UBQLN4: variants seen among roughly 807,000 people sequenced by gnomAD.
UBQLN4 encodes ubiquilin 4.
Under a neutral mutation model 60.4 loss-of-function variants are expected in UBQLN4, and 11 were observed. That is an observed-to-expected ratio of 0.18 (90% confidence interval 0.11 to 0.30). The LOEUF is 0.30. UBQLN4 is among the 10% of genes least tolerant of loss of function. UBQLN4 has a pLI of 1.00. For missense variants in UBQLN4, 417 were observed against 795.5 expected (o/e 0.52, Z 5.72); for synonymous variants, 258 against 313.1 (o/e 0.82, Z 1.86).
Position 156,051,755 on chromosome 1 carries a change from C to T in UBQLN4, c.211G>A (p.Gly71Arg), listed in dbSNP as rs757542069. 5.0e-6 allele frequency: 8 copies of T among 1,613,968 alleles called. No homozygotes were observed. The highest frequency in any genetic ancestry group is 4.0e-5 in the African/African-American group (3 of 74,890). ...LKDGDTLNQH[G>R]IKDGLTVHLV... The stretch of plus-strand genomic sequence containing the variant: ...TGGACAGTGAGCCCGTCCTTGATTC[C>T]GTGCTGGTTCAGTGTGTCCCCATCC... Residue 71 changes from glycine to arginine, a missense_variant, in exon 2 of 11, where the codon GGA (glycine) becomes AGA (arginine). Coordinates refer to ENST00000368309, the MANE Select transcript of UBQLN4 (RefSeq NM_020131.5).
downstream of UBQLN4, chr1:156,033,392 T>G (rs1159121146): frequency 7.8e-6 from 6 of 768,998 alleles, no homozygotes; most frequent in African/African-American, 9.5e-5. Context: ...TGTTTTGTTT[T>G]GTTTTGTTTT....
At chr1:156,047,898 AAAAAAAAAAAAG>A (rs1045010661) in intron 5 of UBQLN4, among the ~76,000 whole-genome samples, 2 of 151,822 alleles carry the variant, frequency 1.3e-5, no homozygotes, top group African/African-American at 4.8e-5. Flanking sequence ...TCTCAAAAAA[AAAAAAAAAAAAG>A]AAAGAAAGAA....
chr1:156,034,060 C>T (rs1488363243), downstream of UBQLN4, among the ~76,000 whole-genome samples: 2 of 150,818 alleles, frequency 1.3e-5, no homozygotes, highest in Non-Finnish European at 1.5e-5. Context: ...GTGAGAGTAT[C>T]GGTCTCAGGC....
intron 10 of UBQLN4, among the ~76,000 whole-genome samples, chr1:156,039,943 A>AAAT (rs1172694749): frequency 6.7e-6 from 1 of 149,858 alleles, no homozygotes; most frequent in African/African-American, 2.5e-5. Flanking sequence ...TCTCAAAAAA[A>AAAT]AAAAAAAAAA....
At chr1:156,042,670 C>A in intron 7 of UBQLN4, 104 bp downstream of exon 7, 1 of 1,491,608 alleles carries the variant, frequency 6.7e-7, no homozygotes, top group South Asian at 1.3e-5. Flanking sequence ...GCTTGGGATG[C>A]AAACCCAGGC....
downstream of UBQLN4, among the ~76,000 whole-genome samples, chr1:156,032,656 G>C (rs775971750): frequency 1.3e-5 from 2 of 152,090 alleles, no homozygotes; most frequent in Non-Finnish European, 2.9e-5. Context: ...AACCTCTGCT[G>C]TCTGCTCAGT....
chr1:156,039,388 T>G (rs763965814), intron 10 of UBQLN4, among the ~76,000 whole-genome samples: 1 of 151,744 alleles, frequency 6.6e-6, no homozygotes, highest in Admixed American at 6.6e-5. Context: ...GTAGCTGGGA[T>G]GATAGGCATG....
At chr1:156,037,464 G>A (rs1683438209) in intron 10 of UBQLN4, among the ~76,000 whole-genome samples, 1 of 152,098 alleles carries the variant, frequency 6.6e-6, no homozygotes, top group Admixed American at 6.6e-5. Flanking sequence ...GTGTGGTGGT[G>A]GGCGCCCTGT....
Position 156,037,067 on chromosome 1 carries a change from T to G in UBQLN4, c.1717A>C (p.Asn573His), listed in dbSNP as rs773660903. ...AGGGCCTGCAGGTTAGCCTCACGAT[T>G]GATGAAGCCCATGGAGTTGAGCTGC... ...LEQLNSMGFI[N>H]REANLQALIA... Residue 573 changes from asparagine (N) to histidine (H), a missense_variant, in exon 11 of 11, where the codon AAT becomes CAT. Physicochemically the swap from Asn to His is moderately conservative, Grantham distance 68 (BLOSUM62 1). Coordinates refer to ENST00000368309, the MANE Select transcript of UBQLN4 (RefSeq NM_020131.5). The G allele has an allele frequency of 1.4e-5, 23 of 1,614,124 alleles. No individual in the cohort carries two copies.
Position 156,053,748 on chromosome 1 carries a change from C to T in UBQLN4, c.-47G>A, listed in dbSNP as rs1683956522. On this transcript the variant is annotated 5_prime_UTR_variant, in exon 1 of 11. Transcript: ENST00000368309. The stretch of plus-strand genomic sequence containing the variant: ...CCCGCCAGCCCGCCCGGCTCCTCCT[C>T]CTCCCCGCCCGCCCGGCCGGCCCGG... The T allele has an allele frequency of 2.5e-6, 3 of 1,180,306 alleles. No homozygotes were observed. The highest frequency in any genetic ancestry group is 1.1e-6 in the Non-Finnish European group (1 of 933,004). 73.1% of individuals were successfully genotyped at this position (1,180,306 alleles called of 1,614,324 possible).
intron 10 of UBQLN4, among the ~76,000 whole-genome samples, chr1:156,038,925 G>A (rs181086792): frequency 6.6e-6 from 1 of 151,480 alleles, no homozygotes; most frequent in Non-Finnish European, 1.5e-5. Context: ...CTGAATAGCT[G>A]GGATTACAGG....
chr1:156,048,399 G>C lies in UBQLN4; in HGVS notation c.900+102C>G. 1 of 1,396,386 alleles carries C rather than the reference G, an allele frequency of 7.2e-7. No homozygotes were observed. The highest frequency in any genetic ancestry group is 1.4e-5 in the South Asian group (1 of 71,954). 86.5% of individuals were successfully genotyped at this position (1,396,386 alleles called of 1,614,324 possible). The stretch of plus-strand genomic sequence containing the variant: ...TCAAGCCAAGGCCCACCCCTCAGGG[G>C]ACTGGGGAAAGAAAGAAGAGCAGGC... On this transcript the variant is annotated intron_variant, in intron 5 of 10. Transcript: ENST00000368309. The surrounding 1 kb of genome is among the most constrained non-coding windows in gnomAD (Gnocchi z 4.9).
downstream of UBQLN4, among the ~76,000 whole-genome samples, chr1:156,031,986 C>T (rs1683306332): frequency 6.6e-6 from 1 of 151,526 alleles, no homozygotes; most frequent in Non-Finnish European, 1.5e-5. Context: ...CAAATATGAA[C>T]AAGCAGGATT....
chr1:156,051,569 G>A (rs1683872597), intron 2 of UBQLN4, 137 bp downstream of exon 2: 1 of 1,319,396 alleles, frequency 7.6e-7, no homozygotes, highest in Non-Finnish European at 1.0e-6. Context: ...TTCCCCTAGA[G>A]ATGAGATCAT....
intron 10 of UBQLN4, among the ~76,000 whole-genome samples, chr1:156,040,146 C>G (rs1451350089): frequency 6.6e-6 from 1 of 151,822 alleles, no homozygotes; most frequent in Non-Finnish European, 1.5e-5. Context: ...ATAATCCCAG[C>G]ACTTTGGGAG....
downstream of UBQLN4, among the ~76,000 whole-genome samples, chr1:156,032,834 A>G (rs2102733851): frequency 6.6e-6 from 1 of 152,310 alleles, no homozygotes; most frequent in Admixed American, 6.5e-5. Context: ...AAGGAAGAAG[A>G]TCCCAGCCTT....
chr1:156,040,997 A>T (rs549581305), intron 10 of UBQLN4, among the ~76,000 whole-genome samples: 1 of 152,286 alleles, frequency 6.6e-6, no homozygotes, highest in African/African-American at 2.4e-5. Context: ...CCAGAGTCTC[A>T]GAGATGGGGG....
At position 156,045,334 on chromosome 1, in the gene UBQLN4, C is replaced by G. The variant is rs115136030; in HGVS notation, c.901-1111G>C. ...GGCCAGGGTTCATGCACCATGGTTT[C>G]AGCCTCTGTGCCTGTTTCAGATTTC... On this transcript the variant is annotated intron_variant, in intron 5 of 10. Coordinates refer to ENST00000368309, the MANE Select transcript of UBQLN4 (RefSeq NM_020131.5). Among the ~76,000 whole-genome samples, 1,262 of 152,352 alleles carry G rather than the reference C, an allele frequency of 8.3e-3. 20 individuals are homozygous for G. Among genetic ancestry groups the G allele is most frequent in the African/African-American group, 0.029 (1,206 of 41,572 alleles).
chr1:156,044,095 G>T lies in UBQLN4; in HGVS notation c.1029C>A (p.Pro343=). The T allele has an allele frequency of 6.3e-7, 1 of 1,590,188 alleles. No individual in the cohort carries two copies. Among genetic ancestry groups the T allele is most frequent in the Non-Finnish European group, 8.6e-7 (1 of 1,168,464 alleles). The change falls in exon 6 of 11, where the codon CCC becomes CCA. Residue 343 remains proline, a synonymous_variant. Coordinates refer to ENST00000368309, the MANE Select transcript of UBQLN4 (RefSeq NM_020131.5). ...CTCCGGTGCCCTCCCCACCGGACCC[G>T]GGGGCCTGGGAGGTGGGGGGCGAGG... is the stretch of plus-strand genomic sequence containing the variant. ...WSPSPPTSQA[P]GSGGEGTGGS...
Sources: allele counts gnomAD v4.1 joint callset (sites outside exome capture counted in the v4.1 genomes callset), GRCh38; gene constraint gnomAD v4.1.1; non-coding constraint Gnocchi (gnomAD v3.1); transcripts MANE v1.5; gene names NCBI Gene and HGNC (gene_info 2026-07-23, HGNC 2026-07-21).